The following SLC29A4 variants were observed in gnomAD, a reference collection of about 807,000 sequenced individuals.
SLC29A4 encodes the protein solute carrier family 29 member 4.
A neutral mutation model predicts 43.9 loss-of-function variants in SLC29A4; 36 were observed. The ratio of observed to expected loss-of-function variants is 0.82; its 90% confidence interval spans 0.63 to 1.08. The LOEUF (loss-of-function observed/expected upper bound fraction) is 1.08. Among genes scored for constraint, SLC29A4 ranks in the 50% least tolerant of loss-of-function variants. The pLI, the probability that SLC29A4 is intolerant of heterozygous loss-of-function variation, is 0.00. For synonymous variants in SLC29A4, 491 were observed against 338.0 expected, an observed-to-expected ratio of 1.45 and a Z score of -4.97; for missense variants, 869 against 755.3, an observed-to-expected ratio of 1.15 and a Z score of -1.77.
rs188317787 is a variant in SLC29A4 at position 5,301,637 on chromosome 7, C to A, written c.1450+975C>A. ...TGAGTGAGGAGCTACTTCACCAGTC[C>A]AGGCCCTTGAGAATGGGGCTCAGAC... On this transcript the variant is annotated intron_variant, in intron 10 of 10. Transcript: ENST00000396872. 2.0e-3 allele frequency among the ~76,000 whole-genome samples: 305 copies of A among 152,300 alleles called. 3 individuals carry two copies. The highest frequency in any genetic ancestry group is 7.0e-3 in the African/African-American group (289 of 41,560).
At chr7:5,288,141 C>T (rs1785075950) in intron 2 of SLC29A4, among the ~76,000 whole-genome samples, 156 bp downstream of exon 2, 1 of 152,126 alleles carries the variant, frequency 6.6e-6, no homozygotes, top group Non-Finnish European at 1.5e-5. Context: ...GCATAACAAA[C>T]ACGCCCACCT....
intron 6 of SLC29A4, among the ~76,000 whole-genome samples, chr7:5,296,023 G>A (rs1785631117): frequency 6.6e-6 from 1 of 151,946 alleles, no homozygotes; most frequent in South Asian, 2.1e-4. Flanking sequence ...CCCACAGCCT[G>A]CCCACCCCAA....
chr7:5,286,070 G>T (rs1160722378), intron 1 of SLC29A4, among the ~76,000 whole-genome samples: 1 of 152,086 alleles, frequency 6.6e-6, no homozygotes, highest in Non-Finnish European at 1.5e-5. Flanking sequence ...ACCCCATGGG[G>T]TGGGCTTCTT....
In SLC29A4 at chr7:5,291,214, C is replaced by A; in HGVS notation, c.392C>A (p.Thr131Asn). Residue 131 changes from threonine (T) to asparagine (N), a missense_variant, in exon 4 of 11, where the codon ACC becomes AAC. Transcript: ENST00000396872. ...AACAACGTCCTGGTGGAGAGACTGA[C>A]CCTGCACACCAGGATCACCGCAGGT... ...LLNNVLVERLTLHTRITAGYL... is the reference protein window; with the variant it reads ...LLNNVLVERLNLHTRITAGYL... The A allele has an allele frequency of 6.2e-7, 1 of 1,613,026 alleles. No individual in the cohort carries two copies. The highest frequency in any genetic ancestry group is 8.5e-7 in the Non-Finnish European group (1 of 1,179,996).
intron 6 of SLC29A4, among the ~76,000 whole-genome samples, chr7:5,295,438 C>G (rs1305512760): frequency 9.2e-5 from 14 of 152,110 alleles, no homozygotes; most frequent in African/African-American, 3.4e-4. Flanking sequence ...CACACCCACC[C>G]CTTCTCAGCA....
chr7:5,293,332 T>C (rs559674990), intron 5 of SLC29A4, among the ~76,000 whole-genome samples: 14 of 151,840 alleles, frequency 9.2e-5, no homozygotes, highest in African/African-American at 3.1e-4. Context: ...CCACCACACC[T>C]GGCTAATTTG....
At chr7:5,283,392 A>ACCCCATCGCTCCC in intron 1 of SLC29A4, among the ~76,000 whole-genome samples, 1 of 151,246 alleles carries the variant, frequency 6.6e-6, no homozygotes, top group African/African-American at 2.4e-5. Context: ...CCCCCGCGCC[A>ACCCCATCGCTCCC]CCCCATCGCT....
At chr7:5,295,530 G>A (rs1324534514) in intron 6 of SLC29A4, among the ~76,000 whole-genome samples, 2 of 152,214 alleles carry the variant, frequency 1.3e-5, no homozygotes, top group East Asian at 3.9e-4. Flanking sequence ...CTGGCCTCCA[G>A]CCCCTGCAGA....
At chr7:5,283,943 C>T (rs1784806328) in intron 1 of SLC29A4, among the ~76,000 whole-genome samples, 1 of 152,026 alleles carries the variant, frequency 6.6e-6, no homozygotes, top group African/African-American at 2.4e-5. Flanking sequence ...GCGCTTCCAG[C>T]TGCCCTGGGC....
chr7:5,305,201 GC>G lies in SLC29A4; in HGVS notation c.*2263del, dbSNP rs1786421786. ...AAAGGAGGGCACGAGGGCCACCTAT[GC>G]TCTGGCAGGCATCCTCCCTGGGGCC... On this transcript the variant is annotated 3_prime_UTR_variant, in exon 11 of 11. Coordinates refer to ENST00000396872, the MANE Select transcript of SLC29A4 (RefSeq NM_153247.4). 6.6e-6 allele frequency: 1 copy of G among 152,434 alleles called. No homozygotes were observed. The highest frequency in any genetic ancestry group is 2.1e-4 in the South Asian group (1 of 4,838). 9.4% of individuals were successfully genotyped at this position (152,434 alleles called of 1,614,324 possible).
Position 5,303,384 on chromosome 7 carries a change from C to T in SLC29A4, c.*445C>T, listed in dbSNP as rs576297309. On this transcript the variant is annotated 3_prime_UTR_variant, in exon 11 of 11. Transcript: ENST00000396872. ...CCTGGCCCAGCCTCCACCAGGGACC[C>T]CTCCTCATGAACTCTGGAGCCCTGA... is the stretch of plus-strand genomic sequence containing the variant. 3.8e-5 allele frequency: 8 copies of T among 210,112 alleles called. No homozygotes were observed. In the South Asian group the frequency reaches 6.2e-4, roughly 16 times the overall value. The allele number at this position is 210,112 out of a possible 1,614,324, so 13.0% of individuals were successfully genotyped here.
intron 5 of SLC29A4, 80 bp from the exon 6 acceptor site, chr7:5,294,780 A>C: frequency 1.4e-6 from 2 of 1,453,980 alleles, no homozygotes; most frequent in South Asian, 2.3e-5. Flanking sequence ...TCGTCCACCA[A>C]CACAGTTCTC....
In SLC29A4 at chr7:5,291,728, A is replaced by G. The variant is rs766349811; in HGVS notation, c.451A>G (p.Ser151Gly). 1.2e-5 allele frequency: 20 copies of G among 1,611,856 alleles called. No individual in the cohort carries two copies. The highest frequency in any genetic ancestry group is 1.5e-5 in the Non-Finnish European group (18 of 1,179,768). ...AGCCTTGGGCCCTCTCCTTTTTATC[A>G]GCATCTGCGACGTGTGGCTGCAGCT... ...LLALGPLLFI[S>G]ICDVWLQLFS... is the part of the protein sequence containing the mutation. The change falls in exon 5 of 11, where the codon AGC becomes GGC. Residue 151 changes from serine to glycine, a missense_variant. Physicochemically the swap from Ser to Gly is moderately conservative, Grantham distance 56. Transcript: ENST00000396872.
chr7:5,299,718 C>A lies in SLC29A4; in HGVS notation c.1209+291C>A, dbSNP rs183295764. ...CTGGGGATGAGCACAGGAGGATGCC[C>A]CAGAGGGGACTCAGAGAAGGCAGGG... is the stretch of plus-strand genomic sequence containing the variant. On this transcript the variant is annotated intron_variant, in intron 9 of 10. Transcript: ENST00000396872. Among the ~76,000 whole-genome samples, 92 of 152,282 alleles carry A rather than the reference C, an allele frequency of 6.0e-4. 1 individual carries two copies. Among genetic ancestry groups the A allele is most frequent in the Admixed American group, 1.8e-3 (27 of 15,290 alleles).
rs758334043 is a variant in SLC29A4, at chr7:5,299,463, C to T, written c.1209+36C>T. The T allele has an allele frequency of 2.5e-5, 39 of 1,590,868 alleles. No individual in the cohort carries two copies. In the South Asian group the frequency reaches 4.3e-4, roughly 17 times the overall value. On this transcript the variant is annotated intron_variant, in intron 9 of 10. Transcript: ENST00000396872. ...TGCCCTGCCCGGTGTCGGGGGACGC[C>T]ATGGGGTGGGGGTGACAAGGGAGGC...
Position 5,303,202 on chromosome 7 carries a change from C to T in SLC29A4, c.*263C>T, listed in dbSNP as rs989117675. ...TTGGTCTCATACCTGCGTCTACCTT[C>T]CATCTGTGTCCAGCGGCCCCGGCTC... On this transcript the variant is annotated 3_prime_UTR_variant, in exon 11 of 11. Transcript: ENST00000396872. 4 of 552,378 alleles carry T rather than the reference C, an allele frequency of 7.2e-6. No individual in the cohort carries two copies. Among genetic ancestry groups the T allele is most frequent in the African/African-American group, 5.7e-5 (3 of 52,686 alleles). The allele number at this position is 552,378 out of a possible 1,614,324, so 34.2% of individuals were successfully genotyped here. A position where few individuals can be genotyped will look rare whatever the true frequency, so the allele number is the denominator to read the frequency against.
At chr7:5,301,258 TG>T (rs34233459) in intron 10 of SLC29A4, among the ~76,000 whole-genome samples, 38,354 of 123,132 alleles carry the variant, frequency 0.31, 5,413 homozygotes, top group African/African-American at 0.37. Context: ...AGATCCTGTC[TG>T]GGGAAAAAAA....
chr7:5,297,607 G>A (rs1785802030), intron 7 of SLC29A4, among the ~76,000 whole-genome samples: 1 of 152,236 alleles, frequency 6.6e-6, no homozygotes, highest in South Asian at 2.1e-4. Flanking sequence ...TCCTCCTGCA[G>A]GCTCAGCCTG....
At chr7:5,298,963 C>G (rs775749959) in intron 7 of SLC29A4, 25 bp from the exon 8 acceptor site, 23 of 1,601,804 alleles carry the variant, frequency 1.4e-5, no homozygotes, top group Middle Eastern at 4.4e-4. Flanking sequence ...CACTCCAACC[C>G]CATCCCACTC....
Sources: gnomAD v4.1 joint callset for allele counts (sites outside exome capture counted in the v4.1 genomes callset) on GRCh38, gnomAD v4.1.1 for gene constraint, MANE v1.5 for transcripts, NCBI Gene and HGNC (gene_info 2026-07-23, HGNC 2026-07-21) for gene names.